Variants in HIRA observed in about 807,000 individuals in gnomAD.
HIRA encodes protein HIRA.
In HIRA, 13 loss-of-function variants were observed where a neutral mutation model predicts 126.6. The ratio of observed to expected loss-of-function variants is 0.10; its 90% CI spans 0.07 to 0.16. The LOEUF (loss-of-function observed/expected upper bound fraction) is 0.16. HIRA is among the 10% of genes least tolerant of loss of function. HIRA has a pLI of 1.00. For missense variants in HIRA, 834 were observed against 1,314.4 expected (o/e 0.63, Z 5.65); for synonymous variants, 511 against 520.0 (o/e 0.98, Z 0.24).
chr22:19,428,628 C>G (rs2089506678), intron 1 of HIRA, among the ~76,000 whole-genome samples: 1 of 152,156 alleles, frequency 6.6e-6, no homozygotes, highest in African/African-American at 2.4e-5. Context: ...TGCTACTTCC[C>G]CCTTTAGACT....
chr22:19,421,036 G>A (rs183783899), intron 1 of HIRA, among the ~76,000 whole-genome samples: 1 of 152,140 alleles, frequency 6.6e-6, no homozygotes, highest in Non-Finnish European at 1.5e-5. Flanking sequence ...AGTGGCTCAC[G>A]CCTGTAATCC....
intron 1 of HIRA, among the ~76,000 whole-genome samples, chr22:19,415,480 A>G (rs2146249745): frequency 6.6e-6 from 1 of 152,344 alleles, no homozygotes; most frequent in East Asian, 1.9e-4. Flanking sequence ...CTCATGGACT[A>G]GAAGATTTAA....
intron 9 of HIRA, 146 bp from the exon 10 acceptor site, chr22:19,388,700 C>T (rs976440212): frequency 7.4e-6 from 5 of 676,280 alleles, no homozygotes; most frequent in African/African-American, 7.1e-5. Flanking sequence ...ACTGCAGCTG[C>T]AGAGATCCCA....
At chr22:19,357,193 T>C (rs539627272) in intron 18 of HIRA, 142 bp from the exon 19 acceptor site, 1 of 938,194 alleles carries the variant, frequency 1.1e-6, no homozygotes, top group South Asian at 1.6e-5. Context: ...GAAGGTGGAT[T>C]GGGTCAGGGT....
chr22:19,421,995 A>T (rs964773835), intron 1 of HIRA, among the ~76,000 whole-genome samples: 5 of 151,936 alleles, frequency 3.3e-5, no homozygotes, highest in African/African-American at 1.2e-4. Context: ...CTCATACCCC[A>T]TATTTGACCC....
chr22:19,412,125 G>A (rs566424325), intron 1 of HIRA, among the ~76,000 whole-genome samples: 5 of 152,328 alleles, frequency 3.3e-5, no homozygotes, highest in African/African-American at 1.2e-4. Flanking sequence ...TCCAGGTGTA[G>A]GCCTTAAGAG....
At chr22:19,395,968 A>G (rs1601842831) in intron 7 of HIRA, among the ~76,000 whole-genome samples, 1 of 152,214 alleles carries the variant, frequency 6.6e-6, no homozygotes, top group East Asian at 1.9e-4. Context: ...CTGCAGTCTG[A>G]TCTCCAAACA....
chr22:19,388,670 G>T (rs1601837659), intron 9 of HIRA, 116 bp from the exon 10 acceptor site: 2 of 778,526 alleles, frequency 2.6e-6, no homozygotes, highest in East Asian at 5.3e-5. Flanking sequence ...GATATTTAAG[G>T]CATCTTCAAC....
chr22:19,379,022 T>C (rs943256482), intron 13 of HIRA, among the ~76,000 whole-genome samples: 3 of 148,032 alleles, frequency 2.0e-5, no homozygotes, highest in Non-Finnish European at 4.4e-5. Context: ...GACGTTGACA[T>C]TTTTTCTTTT....
chr22:19,420,151 C>T (rs2089432586), intron 1 of HIRA, among the ~76,000 whole-genome samples: 1 of 151,752 alleles, frequency 6.6e-6, no homozygotes. Flanking sequence ...AAGCATCTGC[C>T]AACATATAAT....
At chr22:19,375,934 C>T (rs965794741) in intron 14 of HIRA, 142 bp from the exon 15 acceptor site, 20 of 886,274 alleles carry the variant, frequency 2.3e-5, no homozygotes, top group Non-Finnish European at 3.2e-5. Context: ...ATACAATCTA[C>T]TACTCCCATT....
intron 4 of HIRA, among the ~76,000 whole-genome samples, chr22:19,406,209 T>C (rs1301698094): frequency 6.6e-6 from 1 of 152,080 alleles, no homozygotes; most frequent in African/African-American, 2.4e-5. Flanking sequence ...GCATGGAAAA[T>C]GGATTAGAAG....
At position 19,361,858 on chromosome 22, in the gene HIRA, T is replaced by A. The variant is rs1173517226; in HGVS notation, c.1849A>T (p.Lys617Ter). Residue 617 changes from lysine (K) to a stop codon, truncating the protein, a stop_gained, in exon 16 of 25, where the codon AAA (lysine) becomes TAA (stop). Coordinates refer to ENST00000263208, the MANE Select transcript of HIRA (RefSeq NM_003325.4). LOFTEE classifies it high-confidence loss of function. ...GAGGAAGCCTTAGCCAAAGGGACTT[T>A]CTCATCGCTGTCACTGCTGCTCTCC... Reference protein sequence around the residue: ...LLESSSDSDEKVPLAKASSLS... With the variant: ...LLESSSDSDE 6.2e-7 allele frequency: 1 copy of A among 1,614,088 alleles called. No homozygotes were observed.
intron 9 of HIRA, among the ~76,000 whole-genome samples, chr22:19,390,451 C>A (rs906765028): frequency 4.6e-5 from 7 of 151,132 alleles, no homozygotes; most frequent in African/African-American, 7.3e-5. Flanking sequence ...AAAAATTAAC[C>A]GGGTGTGGTG....
rs376295771 is a variant in HIRA, at chr22:19,375,738, C to A, written c.1668G>T (p.Pro556=). ...ACGCTTTCATGGGTTCGATCTTGGA[C>A]GGGGTCGTTAACACAGAAGGTGACA... ...AALSPSVLTT[P]SKIEPMKAFD... Residue 556 remains proline, a synonymous_variant, in exon 15 of 25, where the codon CCG becomes CCT. Coordinates refer to ENST00000263208, the MANE Select transcript of HIRA (RefSeq NM_003325.4). 3 of 1,614,066 alleles carry A rather than the reference C, an allele frequency of 1.9e-6. No individual in the cohort carries two copies. The South Asian group carries it at 3.3e-5, about 18-fold the overall frequency.
chr22:19,350,400 T>C (rs1569291630), intron 24 of HIRA, among the ~76,000 whole-genome samples: 1 of 152,156 alleles, frequency 6.6e-6, no homozygotes, highest in Non-Finnish European at 1.5e-5. Context: ...CCTTCTCCCA[T>C]CCCCCACCAA....
chr22:19,396,088 T>TGCCCTGGC (rs3080867), intron 7 of HIRA, among the ~76,000 whole-genome samples: 29,792 of 151,924 alleles, frequency 0.2, 5,835 homozygotes, highest in African/African-American at 0.5. Flanking sequence ...TCCTCCATCC[T>TGCCCTGGC]CCCCAACAAG....
chr22:19,374,792 G>A (rs1733089093), intron 15 of HIRA, among the ~76,000 whole-genome samples: 1 of 152,184 alleles, frequency 6.6e-6, no homozygotes, highest in Non-Finnish European at 1.5e-5. Context: ...GGCTGATGGT[G>A]GCACAGGCTA....
chr22:19,365,217 T>C (rs577210591), intron 15 of HIRA, among the ~76,000 whole-genome samples: 1 of 152,346 alleles, frequency 6.6e-6, no homozygotes, highest in South Asian at 2.1e-4. Context: ...AGTGCTAATG[T>C]AGAAGTTGCA....
Sources: allele counts gnomAD v4.1 joint callset (sites outside exome capture counted in the v4.1 genomes callset), GRCh38; gene constraint gnomAD v4.1.1; transcripts MANE v1.5; gene names NCBI Gene and HGNC (gene_info 2026-07-23, HGNC 2026-07-21).